SBF2: variants seen among roughly 807,000 people sequenced by gnomAD.
The protein encoded by SBF2 is myotubularin-related protein 13.
Under a neutral mutation model 225.2 loss-of-function variants are expected in SBF2, and 112 were observed. That is an observed-to-expected ratio of 0.50 (90% CI 0.43 to 0.58). The LOEUF is 0.58. Ranked by LOEUF, SBF2 falls within the 20% of genes least tolerant of loss-of-function variation. The pLI, the probability that SBF2 is intolerant of heterozygous loss-of-function variation, is 0.00. For synonymous variants in SBF2, 763 were observed against 773.3 expected, an observed-to-expected ratio of 0.99 and a Z score of 0.22; for missense variants, 1,996 against 2,206.2, an observed-to-expected ratio of 0.90 and a Z score of 1.91.
At chr11:10,170,758 T>C (rs2135243619) in intron 2 of SBF2, among the ~76,000 whole-genome samples, 1 of 152,208 alleles carries the variant, frequency 6.6e-6, no homozygotes, top group African/African-American at 2.4e-5. Context: ...ATTTTAACAA[T>C]ACTGATTCTT....
chr11:9,935,818 A>G (rs1362023677), intron 16 of SBF2, among the ~76,000 whole-genome samples: 6 of 152,230 alleles, frequency 3.9e-5, no homozygotes, highest in Admixed American at 3.9e-4. Flanking sequence ...AAGATGGATT[A>G]AAGACTTAAA....
At chr11:9,872,420 C>T (rs1858854214) in intron 17 of SBF2, among the ~76,000 whole-genome samples, 1 of 152,064 alleles carries the variant, frequency 6.6e-6, no homozygotes. Context: ...CTGTGATAAA[C>T]CTGCACATCC....
At chr11:10,174,765 G>A (rs1426725674) in intron 2 of SBF2, among the ~76,000 whole-genome samples, 1 of 152,098 alleles carries the variant, frequency 6.6e-6, no homozygotes, top group Non-Finnish European at 1.5e-5. Flanking sequence ...CAGAGAGAAA[G>A]GTCCGGTTAC....
At chr11:9,945,516 C>A in intron 16 of SBF2, among the ~76,000 whole-genome samples, 1 of 152,108 alleles carries the variant, frequency 6.6e-6, no homozygotes, top group East Asian at 1.9e-4. Flanking sequence ...CTAGGAAATA[C>A]CATTCTGGAC....
rs1276814028 is a variant in SBF2, at chr11:10,281,132, G to A, written c.55+12883C>T. Among the ~76,000 whole-genome samples the A allele has an allele frequency of 2.0e-5, 3 of 151,960 alleles. No homozygotes were observed. The South Asian group carries it at 6.2e-4, about 32-fold the overall frequency. On this transcript the variant is annotated intron_variant, in intron 1 of 39. Transcript: ENST00000256190. Reference sequence around the variant, plus strand: ...AACATGTAAGATTATAGCCTTTCATGTCAAAATAAATAAATAATTTAAAAA... The same window carrying A: ...AACATGTAAGATTATAGCCTTTCATATCAAAATAAATAAATAATTTAAAAA...
chr11:10,003,420 T>G (rs920218421), intron 6 of SBF2, among the ~76,000 whole-genome samples: 1 of 151,576 alleles, frequency 6.6e-6, no homozygotes, highest in African/African-American at 2.4e-5. Context: ...GAGGTTGGAG[T>G]GCAGTGGCAC....
intron 1 of SBF2, among the ~76,000 whole-genome samples, chr11:10,274,879 A>T (rs949682731): frequency 2.0e-5 from 3 of 152,220 alleles, no homozygotes; most frequent in South Asian, 4.1e-4. Flanking sequence ...AATGCTTAAA[A>T]TTTTTAACAA....
chr11:10,157,218 C>T (rs1482778082), intron 2 of SBF2, among the ~76,000 whole-genome samples: 4 of 152,146 alleles, frequency 2.6e-5, no homozygotes, highest in Non-Finnish European at 5.9e-5. Context: ...TAGCCTTACG[C>T]AGATTATTAA....
intron 9 of SBF2, among the ~76,000 whole-genome samples, chr11:9,997,222 TAGACTATTA>T (rs1460402289): frequency 6.6e-6 from 1 of 152,190 alleles, no homozygotes; most frequent in East Asian, 1.9e-4. Context: ...ATTCTTAAAG[TAGACTATTA>T]AGGCCTTAGT....
chr11:10,228,095 A>C (rs1049367642), intron 1 of SBF2, among the ~76,000 whole-genome samples: 1 of 151,208 alleles, frequency 6.6e-6, no homozygotes, highest in Non-Finnish European at 1.5e-5. Flanking sequence ...TGTGAATGGG[A>C]GTTCACTCAT....
At chr11:10,028,378 G>A in intron 6 of SBF2, 74 bp downstream of exon 6, 3 of 907,570 alleles carry the variant, frequency 3.3e-6, no homozygotes, top group South Asian at 1.3e-5. Flanking sequence ...CATGTGAGGT[G>A]ATGTCGACTT....
intron 1 of SBF2, among the ~76,000 whole-genome samples, chr11:10,257,630 A>G (rs1403953315): frequency 7.1e-6 from 1 of 141,382 alleles, no homozygotes; most frequent in African/African-American, 2.6e-5. Context: ...GCATCACTGC[A>G]CTCCAGCCTG....
At chr11:9,904,701 TA>T (rs1209687532) in intron 16 of SBF2, among the ~76,000 whole-genome samples, 1 of 152,128 alleles carries the variant, frequency 6.6e-6, no homozygotes, top group East Asian at 1.9e-4. Flanking sequence ...CACATGGATT[TA>T]AAAAAATTGA....
intron 27 of SBF2, chr11:9,829,714 T>C (rs766403058): frequency 1.2e-4 from 63 of 519,860 alleles, no homozygotes; most frequent in Non-Finnish European, 1.5e-4. Context: ...ACCTACTTCT[T>C]GATTGCCTCA....
At chr11:9,923,244 C>T (rs11042544) in intron 16 of SBF2, among the ~76,000 whole-genome samples, 2,415 of 152,182 alleles carry the variant, frequency 0.016, 76 homozygotes, top group African/African-American at 0.054. Flanking sequence ...TAGATCTCTC[C>T]CTTGTTAATT....
At chr11:9,781,779 T>A in intron 38 of SBF2, 141 bp from the exon 39 acceptor site, 1 of 959,210 alleles carries the variant, frequency 1.0e-6, no homozygotes, top group South Asian at 1.4e-5. Flanking sequence ...AAAAAATTAA[T>A]TAATAATACT....
At chr11:9,863,708 G>A (rs1857950904) in intron 17 of SBF2, among the ~76,000 whole-genome samples, 1 of 150,966 alleles carries the variant, frequency 6.6e-6, no homozygotes, top group Non-Finnish European at 1.5e-5. Context: ...CCAAAACCTG[G>A]CTTTATCAAA....
intron 16 of SBF2, among the ~76,000 whole-genome samples, chr11:9,955,235 T>C (rs1437909674): frequency 6.6e-6 from 1 of 152,046 alleles, no homozygotes; most frequent in Non-Finnish European, 1.5e-5. Context: ...CCAGAGGTAA[T>C]CATTGGTATC....
At chr11:10,147,606 ACTGCTAGGTACTAGGTTTAGTAC>A (rs1954952111) in intron 2 of SBF2, among the ~76,000 whole-genome samples, 1 of 152,122 alleles carries the variant, frequency 6.6e-6, no homozygotes, top group Admixed American at 6.6e-5. Flanking sequence ...AGGAAAAATA[ACTGCTAGGTACTAGGTTTAGTAC>A]CTGGGCAATG....
Sources: allele counts gnomAD v4.1 joint callset (sites outside exome capture counted in the v4.1 genomes callset), GRCh38; gene constraint gnomAD v4.1.1; transcripts MANE v1.5; gene names NCBI Gene and HGNC (gene_info 2026-07-23, HGNC 2026-07-21).